CACHD1: variants seen among roughly 807,000 people sequenced by gnomAD.
CACHD1 encodes VWFA and cache domain-containing protein 1.
Under a neutral mutation model 138.7 loss-of-function variants are expected in CACHD1, and 71 were observed. The observed-to-expected ratio is 0.51, with a 90% confidence interval of 0.42 to 0.62. The LOEUF (loss-of-function observed/expected upper bound fraction) is 0.62. CACHD1 is among the 20% of genes least tolerant of loss of function. The pLI is 0.00. For synonymous variants in CACHD1, 578 were observed against 591.5 expected (o/e 0.98, Z 0.33); for missense variants, 1,389 against 1,625.3 (o/e 0.85, Z 2.50).
At chr1:64,551,253 C>A (rs542057851) in intron 2 of CACHD1, among the ~76,000 whole-genome samples, 2 of 150,296 alleles carry the variant, frequency 1.3e-5, no homozygotes, top group South Asian at 4.2e-4. Context: ...CCCCTCCCAT[C>A]TTCTTTCAGT....
At chr1:64,601,837 T>C (rs1557514128) in intron 3 of CACHD1, among the ~76,000 whole-genome samples, 1 of 152,244 alleles carries the variant, frequency 6.6e-6, no homozygotes, top group Non-Finnish European at 1.5e-5. Flanking sequence ...TTTAAAACCT[T>C]ATTTCAAGTT....
At chr1:64,604,461 C>T (rs927714713) in intron 4 of CACHD1, among the ~76,000 whole-genome samples, 6 of 152,120 alleles carry the variant, frequency 3.9e-5, no homozygotes, top group South Asian at 2.1e-4. Context: ...AGCTGGAAAT[C>T]GAGTCTCCAG....
intron 1 of CACHD1, among the ~76,000 whole-genome samples, chr1:64,534,838 G>A (rs1346044183): frequency 6.6e-6 from 1 of 152,228 alleles, no homozygotes; most frequent in Non-Finnish European, 1.5e-5. Flanking sequence ...CTCCTGGAAG[G>A]ACCAAGAGAT....
Position 64,678,274 on chromosome 1 carries a change from G to A in CACHD1, c.3208G>A (p.Ala1070Thr), listed in dbSNP as rs1370757384. 2 of 1,597,554 alleles carry A rather than the reference G, an allele frequency of 1.3e-6. No individual in the cohort carries two copies. The highest frequency in any genetic ancestry group is 2.3e-5 in the East Asian group (1 of 44,300). The change falls in exon 23 of 27, where the codon GCC becomes ACC. Residue 1070 changes from alanine (A) to threonine (T), a missense_variant. By Grantham distance (58) the Ala-to-Thr change is moderately conservative. Coordinates refer to ENST00000651257, the MANE Select transcript of CACHD1 (RefSeq NM_020925.4). ...QKECFGGIVG[A>T]KSPYVDDMGA... Reference sequence around the variant, plus strand: ...AGAATGCTTCGGGGGGATTGTGGGAGCCAAAAGTCCCTACGTTGATGACAT... The same window carrying A: ...AGAATGCTTCGGGGGGATTGTGGGAACCAAAAGTCCCTACGTTGATGACAT...
intron 12 of CACHD1, among the ~76,000 whole-genome samples, chr1:64,655,759 A>G (rs1433836054): frequency 1.3e-5 from 2 of 152,182 alleles, no homozygotes; most frequent in South Asian, 2.1e-4. Context: ...AGTGCTGTTG[A>G]AGGACCCTAA....
At chr1:64,577,068 TGGG>T (rs1473209438) in intron 2 of CACHD1, among the ~76,000 whole-genome samples, 2 of 152,020 alleles carry the variant, frequency 1.3e-5, no homozygotes, top group Non-Finnish European at 2.9e-5. Flanking sequence ...CTCAGCCCTC[TGGG>T]TAGCTGGGAC....
At chr1:64,652,125 G>T in intron 9 of CACHD1, 36 bp from the exon 10 acceptor site, 2 of 1,563,086 alleles carry the variant, frequency 1.3e-6, no homozygotes, top group Non-Finnish European at 1.7e-6. Flanking sequence ...TTCCTTCTCT[G>T]CTGGTCTTTA....
Position 64,470,822 on chromosome 1 carries a change from C to T in CACHD1, c.78C>T (p.Val26=). 1 of 1,493,118 alleles carries T rather than the reference C, an allele frequency of 6.7e-7. No individual in the cohort carries two copies. 92.5% of individuals were successfully genotyped at this position (1,493,118 alleles called of 1,614,324 possible). Residue 26 remains valine, a synonymous_variant, in exon 1 of 27, where the codon GTC becomes GTT. Coordinates refer to ENST00000651257, the MANE Select transcript of CACHD1 (RefSeq NM_020925.4). The surrounding 1 kb of genome is among the most constrained non-coding windows in gnomAD (Gnocchi z 5.2). ...RRPPLWLLCL[V]ACWLLGAGAE... is the part of the protein sequence containing the mutation. Reference sequence around the variant, plus strand: ...CGCCCCTCTGGCTGCTCTGCCTGGTCGCGTGCTGGCTCCTGGGCGCCGGGG... The same window carrying T: ...CGCCCCTCTGGCTGCTCTGCCTGGTTGCGTGCTGGCTCCTGGGCGCCGGGG...
chr1:64,549,538 T>G (rs899067505), intron 1 of CACHD1, among the ~76,000 whole-genome samples: 1 of 152,152 alleles, frequency 6.6e-6, no homozygotes, highest in African/African-American at 2.4e-5. Context: ...CCCCAGCAGC[T>G]TGATCTTCCT....
intron 1 of CACHD1, among the ~76,000 whole-genome samples, chr1:64,495,610 A>C (rs1646301481): frequency 6.6e-6 from 1 of 152,086 alleles, no homozygotes; most frequent in South Asian, 2.1e-4. Context: ...CTTGATAGGG[A>C]GAGAGATGAA....
At chr1:64,546,670 T>C (rs1646720603) in intron 1 of CACHD1, among the ~76,000 whole-genome samples, 2 of 152,124 alleles carry the variant, frequency 1.3e-5, no homozygotes, top group South Asian at 4.1e-4. Context: ...AATTTTCCTT[T>C]CCATTTCCAT....
intron 2 of CACHD1, among the ~76,000 whole-genome samples, chr1:64,562,232 T>C: frequency 6.6e-6 from 1 of 152,134 alleles, no homozygotes; most frequent in Non-Finnish European, 1.5e-5. Context: ...CCATGATTTT[T>C]TCAAATATAT....
Position 64,654,827 on chromosome 1 carries a change from G to A in CACHD1, c.1782+24G>A, listed in dbSNP as rs201500304. On this transcript the variant is annotated intron_variant, in intron 12 of 26. Coordinates refer to ENST00000651257, the MANE Select transcript of CACHD1 (RefSeq NM_020925.4). ...TGGTGAGTGAGAGGAAGTTGTGTTT[G>A]CTTGAAGAGCTACAGGGTACAGTGC... 3 of 1,522,952 alleles carry A rather than the reference G, an allele frequency of 2.0e-6. No individual in the cohort carries two copies. The Admixed American group carries it at 5.0e-5, about 25-fold the overall frequency. 94.3% of individuals were successfully genotyped at this position (1,522,952 alleles called of 1,614,324 possible).
rs117440047 is a variant in CACHD1 at position 64,555,082 on chromosome 1, G to A, written c.261+4426G>A. On this transcript the variant is annotated intron_variant, in intron 2 of 26. Transcript: ENST00000651257. ...CAGCTCACTACAGCCTCCACCTTTG[G>A]GGCTCAAGCATTCCTCCCGCTTCAG... Among the ~76,000 whole-genome samples the A allele has an allele frequency of 3.0e-4, 45 of 152,106 alleles. No homozygotes were observed. The East Asian group carries it at 7.3e-3, about 25-fold the overall frequency.
intron 1 of CACHD1, among the ~76,000 whole-genome samples, chr1:64,513,934 A>G (rs1646440343): frequency 6.6e-6 from 1 of 152,254 alleles, no homozygotes; most frequent in Admixed American, 6.5e-5. Flanking sequence ...TGTGTGAGTC[A>G]AACAAAACAC....
At chr1:64,589,212 T>C (rs1456540103) in intron 3 of CACHD1, among the ~76,000 whole-genome samples, 1 of 152,204 alleles carries the variant, frequency 6.6e-6, no homozygotes, top group Non-Finnish European at 1.5e-5. Flanking sequence ...GAGATTGATA[T>C]AGTCACTGTG....
At position 64,664,699 on chromosome 1, in the gene CACHD1, G is replaced by C; in HGVS notation, c.2276+20G>C. 1 of 1,607,138 alleles carries C rather than the reference G, an allele frequency of 6.2e-7. No individual in the cohort carries two copies. The highest frequency in any genetic ancestry group is 8.5e-7 in the Non-Finnish European group (1 of 1,175,212). ...ACAATGGTGAGTTTTAGGGGCTTCC[G>C]TTATCAAAGGTTCTCCCCCAAATCC... On this transcript the variant is annotated intron_variant, in intron 15 of 26. Coordinates refer to ENST00000651257, the MANE Select transcript of CACHD1 (RefSeq NM_020925.4).
intron 16 of CACHD1, among the ~76,000 whole-genome samples, chr1:64,666,872 A>AAAAAAAAAAAAAAGAG (rs146557306): frequency 1.4e-5 from 2 of 138,022 alleles, no homozygotes; most frequent in Admixed American, 1.5e-4. Context: ...AAAAAAAAAA[A>AAAAAAAAAAAAAAGAG]CGAGAAAGAA....
chr1:64,689,216 C>T (rs919801137), intron 26 of CACHD1, among the ~76,000 whole-genome samples: 4 of 152,220 alleles, frequency 2.6e-5, no homozygotes, highest in Non-Finnish European at 5.9e-5. Context: ...GCAGATGACA[C>T]TTCTGAGATT....
Sources: gnomAD v4.1 joint callset for allele counts (sites outside exome capture counted in the v4.1 genomes callset) on GRCh38, gnomAD v4.1.1 for gene constraint, Gnocchi (gnomAD v3.1) non-coding constraint, MANE v1.5 for transcripts, NCBI Gene and HGNC (gene_info 2026-07-23, HGNC 2026-07-21) for gene names.